Variants in CCDC186 observed in about 807,000 individuals in gnomAD.
The protein encoded by CCDC186 is coiled-coil domain containing 186, also known as coiled-coil domain-containing protein 186.
A neutral mutation model predicts 113.7 loss-of-function variants in CCDC186; 49 were observed. The ratio of observed to expected loss-of-function variants is 0.43; its 90% CI spans 0.34 to 0.55. CCDC186 has a LOEUF of 0.55. CCDC186 is among the 20% of genes least tolerant of loss of function. The pLI, the probability that CCDC186 is intolerant of heterozygous loss-of-function variation, is 0.02. For missense variants in CCDC186, 890 were observed against 1,011.1 expected (o/e 0.88, Z 1.62); for synonymous variants, 355 against 345.8 (o/e 1.03, Z -0.30).
At chr10:114,165,672 G>A (rs1233184847) in intron 1 of CCDC186, among the ~76,000 whole-genome samples, 5 of 150,654 alleles carry the variant, frequency 3.3e-5, no homozygotes, top group South Asian at 2.1e-4. Context: ...CCTGGGCGAC[G>A]GAGCGAGACT....
At chr10:114,143,747 A>G (rs1426271026) in intron 6 of CCDC186, among the ~76,000 whole-genome samples, 1 of 152,238 alleles carries the variant, frequency 6.6e-6, no homozygotes, top group Non-Finnish European at 1.5e-5. Flanking sequence ...ATCCACGATT[A>G]TGATTTTAAC....
chr10:114,146,043 T>A (rs2031630056), intron 4 of CCDC186, among the ~76,000 whole-genome samples: 1 of 152,188 alleles, frequency 6.6e-6, no homozygotes. Flanking sequence ...CCTTTCCCAC[T>A]TTTTTTAAAT....
At chr10:114,149,553 G>A (rs2031750574) in intron 4 of CCDC186, among the ~76,000 whole-genome samples, 1 of 110,842 alleles carries the variant, frequency 9.0e-6, no homozygotes. Context: ...GGAAGGGAAG[G>A]GAAGGAAAGG....
chr10:114,164,164 G>A (rs1407494542), intron 1 of CCDC186, among the ~76,000 whole-genome samples: 2 of 134,010 alleles, frequency 1.5e-5, no homozygotes, highest in East Asian at 2.1e-4. Context: ...GTCGTTGCCC[G>A]GGCTGGAGTG....
chr10:114,130,048 ATCACTGAGGC>A, intron 12 of CCDC186, 77 bp from the exon 13 acceptor site: 3 of 1,315,072 alleles, frequency 2.3e-6, no homozygotes, highest in Admixed American at 1.9e-5. Flanking sequence ...AATTGCTAAA[ATCACTGAGGC>A]AAAAATGGCA....
chr10:114,165,281 C>A (rs189161475), intron 1 of CCDC186, among the ~76,000 whole-genome samples: 2 of 152,186 alleles, frequency 1.3e-5, no homozygotes, highest in African/African-American at 2.4e-5. Flanking sequence ...TACAAATAAA[C>A]GGAGTAAATA....
intron 6 of CCDC186, among the ~76,000 whole-genome samples, chr10:114,140,060 G>A (rs1332981719): frequency 6.6e-6 from 1 of 152,178 alleles, no homozygotes; most frequent in Non-Finnish European, 1.5e-5. Flanking sequence ...ATTGTTCTAT[G>A]CTCCAGGGAC....
rs943827114 is a variant in CCDC186 at position 114,122,832 on chromosome 10, C to T, written c.*2311G>A. 2 of 152,072 alleles carry T rather than the reference C, an allele frequency of 1.3e-5. No individual in the cohort carries two copies. Among genetic ancestry groups the T allele is most frequent in the Non-Finnish European group, 2.9e-5 (2 of 68,006 alleles). The allele number at this position is 152,072 out of a possible 1,614,324, so 9.4% of individuals were successfully genotyped here. A position where few individuals can be genotyped will look rare whatever the true frequency, so the allele number is the denominator to read the frequency against. ...TAAAGCATTTTCTTTAAAAAATTTC[C>T]AGTTTCTAAAATGTATAAGGCAAAA... On this transcript the variant is annotated 3_prime_UTR_variant, in exon 16 of 16. Transcript: ENST00000369287.
chr10:114,168,991 G>A (rs2032411976), intron 1 of CCDC186, among the ~76,000 whole-genome samples: 1 of 148,684 alleles, frequency 6.7e-6, no homozygotes, highest in African/African-American at 2.5e-5. Flanking sequence ...TGTATTCTAG[G>A]TGTTGGGAAC....
At chr10:114,172,916 G>A (rs17776883) in intron 1 of CCDC186, among the ~76,000 whole-genome samples, 12,418 of 151,756 alleles carry the variant, frequency 0.082, 623 homozygotes, top group Middle Eastern at 0.15. Flanking sequence ...ATGAACACTC[G>A]GTAAATATTA....
At chr10:114,130,736 T>C (rs2031061518) in intron 12 of CCDC186, 1 of 152,692 alleles carries the variant, frequency 6.5e-6, no homozygotes, top group Admixed American at 6.5e-5. Flanking sequence ...TTTATACTGA[T>C]ATTTAAAAAT....
At chr10:114,161,393 T>A (rs1410258350) in intron 2 of CCDC186, among the ~76,000 whole-genome samples, 1 of 152,154 alleles carries the variant, frequency 6.6e-6, no homozygotes, top group African/African-American at 2.4e-5. Context: ...GGCACCTAAT[T>A]ATCAGCATAT....
At chr10:114,146,077 G>C (rs1026906163) in intron 4 of CCDC186, among the ~76,000 whole-genome samples, 1 of 152,094 alleles carries the variant, frequency 6.6e-6, no homozygotes, top group African/African-American at 2.4e-5. Flanking sequence ...CCAGGAACAT[G>C]ATGACATCAT....
intron 5 of CCDC186, 69 bp downstream of exon 5, chr10:114,145,480 T>C (rs892273717): frequency 1.5e-6 from 2 of 1,300,730 alleles, no homozygotes; most frequent in African/African-American, 3.0e-5. Context: ...ATTATTTGAT[T>C]AAATATGGAA....
chr10:114,147,854 T>G (rs959342031), intron 4 of CCDC186, among the ~76,000 whole-genome samples: 3 of 152,200 alleles, frequency 2.0e-5, no homozygotes, highest in Admixed American at 1.3e-4. Flanking sequence ...CTTGGCTGGA[T>G]GCAAGGAGTC....
rs533991073 is a variant in CCDC186, at chr10:114,144,608, T to G, written c.1110A>C (p.Glu370Asp). The G allele has an allele frequency of 1.2e-6, 2 of 1,607,970 alleles. No individual in the cohort carries two copies. The highest frequency in any genetic ancestry group is 3.4e-5 in the Admixed American group (2 of 59,362). ...LHQLYETKEGETTRLIREIDK... is the reference protein window; with the variant it reads ...LHQLYETKEGDTTRLIREIDK... Reference sequence around the variant, plus strand: ...CTATTTCTCTGATGAGTCTAGTCGTTTCGCCTTCCTAAAATAATATCACTA... The same window carrying G: ...CTATTTCTCTGATGAGTCTAGTCGTGTCGCCTTCCTAAAATAATATCACTA... Residue 370 changes from glutamate (E) to aspartate (D), a missense_variant, in exon 6 of 16, where the codon GAA becomes GAC. By Grantham distance (45) the Glu-to-Asp change is conservative. Coordinates refer to ENST00000369287, the MANE Select transcript of CCDC186 (RefSeq NM_018017.4).
chr10:114,133,399 A>G (rs1396347660), intron 10 of CCDC186, among the ~76,000 whole-genome samples: 1 of 152,176 alleles, frequency 6.6e-6, no homozygotes, highest in Admixed American at 6.5e-5. Flanking sequence ...AGAGAAACCG[A>G]TTTTGGAAAT....
At chr10:114,165,849 CA>C (rs56143525) in intron 1 of CCDC186, 25,141 of 660,622 alleles carry the variant, frequency 0.038, 1 homozygote, top group South Asian at 0.049. Context: ...CACTTTGTCT[CA>C]AAAAAAAAAA....
At position 114,144,621 on chromosome 10, in the gene CCDC186, A is replaced by G; in HGVS notation, c.1102-5T>C. Reference sequence around the variant, plus strand: ...GAGTCTAGTCGTTTCGCCTTCCTAAAATAATATCACTAGGTCATATATTTT... The same window carrying G: ...GAGTCTAGTCGTTTCGCCTTCCTAAGATAATATCACTAGGTCATATATTTT... On this transcript the variant is annotated splice_polypyrimidine_tract_variant and splice_region_variant and intron_variant, in intron 5 of 15. Transcript: ENST00000369287. 1 of 1,602,440 alleles carries G rather than the reference A, an allele frequency of 6.2e-7. No homozygotes were observed. Among genetic ancestry groups the G allele is most frequent in the Non-Finnish European group, 8.5e-7 (1 of 1,172,698 alleles).
Sources: gnomAD v4.1 joint callset for allele counts (sites outside exome capture counted in the v4.1 genomes callset) on GRCh38, gnomAD v4.1.1 for gene constraint, MANE v1.5 for transcripts, NCBI Gene and HGNC (gene_info 2026-07-23, HGNC 2026-07-21) for gene names.